SLC38A6: variants seen among roughly 807,000 people sequenced by gnomAD.
The protein encoded by SLC38A6 is solute carrier family 38 member 6.
Under a neutral mutation model 65.0 loss-of-function variants are expected in SLC38A6, and 73 were observed. The ratio of observed to expected loss-of-function variants is 1.12; its 90% CI spans 0.93 to 1.37. SLC38A6 has a LOEUF of 1.37. Ranked by LOEUF, SLC38A6 falls within the 40% of genes most tolerant of loss-of-function variation. The probability of loss-of-function intolerance (pLI) is 0.00; values close to 1 mark genes in which losing one functional copy is unlikely to be tolerated. For synonymous variants in SLC38A6, 183 were observed against 178.8 expected (o/e 1.02, Z -0.19); for missense variants, 561 against 531.1 (o/e 1.06, Z -0.55).
chr14:61,010,936 C>T (rs570139606), intron 3 of SLC38A6, among the ~76,000 whole-genome samples: 32 of 152,090 alleles, frequency 2.1e-4, no homozygotes, highest in African/African-American at 3.6e-4. Flanking sequence ...ATTGGTAGCT[C>T]GTTGGGGATG....
intron 15 of SLC38A6, among the ~76,000 whole-genome samples, chr14:61,062,067 G>T (rs1202059915): frequency 6.6e-6 from 1 of 152,146 alleles, no homozygotes; most frequent in African/African-American, 2.4e-5. Flanking sequence ...TTGTACTCCT[G>T]ACCTCAGGTG....
intron 15 of SLC38A6, among the ~76,000 whole-genome samples, chr14:61,061,590 C>A (rs1284413367): frequency 6.6e-6 from 1 of 152,152 alleles, no homozygotes; most frequent in African/African-American, 2.4e-5. Context: ...CATATAGTTG[C>A]AATCCTATAG....
intron 3 of SLC38A6, among the ~76,000 whole-genome samples, chr14:60,992,036 A>C (rs1233883603): frequency 6.6e-6 from 1 of 152,238 alleles, no homozygotes; most frequent in Non-Finnish European, 1.5e-5. Context: ...ACTAAAAGTC[A>C]GGGTTCTGTT....
chr14:61,038,881 A>G (rs574502368), intron 8 of SLC38A6, among the ~76,000 whole-genome samples: 1 of 152,314 alleles, frequency 6.6e-6, no homozygotes, highest in East Asian at 1.9e-4. Flanking sequence ...AGATAAGTGA[A>G]TTGAACATAC....
chr14:61,010,292 G>A lies in SLC38A6; in HGVS notation c.311-5612G>A, dbSNP rs2039459386. 2.6e-5 allele frequency among the ~76,000 whole-genome samples: 4 copies of A among 152,238 alleles called. No homozygotes were observed. In the South Asian group the frequency reaches 8.3e-4, roughly 32 times the overall value. On this transcript the variant is annotated intron_variant, in intron 3 of 15. Transcript: ENST00000267488. ...TCTGGATATTAGCCCTTTGTCAGAAGAGTAGGTTGCAAAAATTTTCTCCCA... is the reference window on the plus strand; with the variant it reads ...TCTGGATATTAGCCCTTTGTCAGAAAAGTAGGTTGCAAAAATTTTCTCCCA...
downstream of SLC38A6, among the ~76,000 whole-genome samples, chr14:61,055,944 C>T (rs1237613368): frequency 1.7e-4 from 3 of 17,500 alleles, no homozygotes; most frequent in Non-Finnish European, 6.0e-4. Flanking sequence ...TCATGTCCTT[C>T]GCCCACTTTT....
chr14:61,062,584 A>G (rs967447646), intron 15 of SLC38A6, among the ~76,000 whole-genome samples: 2 of 151,620 alleles, frequency 1.3e-5, no homozygotes, highest in Non-Finnish European at 2.9e-5. Flanking sequence ...GCCTCAGCAT[A>G]CTGAGTAGCT....
chr14:60,999,977 G>A (rs749930995), intron 3 of SLC38A6, among the ~76,000 whole-genome samples: 3 of 152,086 alleles, frequency 2.0e-5, no homozygotes, highest in African/African-American at 4.8e-5. Context: ...GCAGCCTTAG[G>A]AAACTAATAC....
In SLC38A6 at chr14:61,045,411, C is replaced by G. The variant is rs1013802480; in HGVS notation, c.810C>G (p.Tyr270Ter). ...FLCHTSILPI[Y>*]CELQSPSKKR... is the part of the protein sequence containing the mutation. ...GCCATACCTCAATATTGCCCATATA[C>G]TGTGAACTTCAAAGGTACTGTAGAA... The change falls in exon 11 of 16, where the codon TAC becomes TAG. Residue 270 changes from tyrosine (Y) to a stop codon, truncating the protein, a stop_gained. Coordinates refer to ENST00000267488, the MANE Select transcript of SLC38A6 (RefSeq NM_153811.3). LOFTEE classifies it high-confidence loss of function. The G allele has an allele frequency of 1.2e-6, 2 of 1,611,006 alleles. No homozygotes were observed. The highest frequency in any genetic ancestry group is 1.7e-6 in the Non-Finnish European group (2 of 1,177,442).
intron 10 of SLC38A6, among the ~76,000 whole-genome samples, chr14:61,044,579 TTTTG>T (rs1471443856): frequency 1.3e-5 from 2 of 152,196 alleles, no homozygotes; most frequent in Non-Finnish European, 2.9e-5. Flanking sequence ...CTGGAATTTC[TTTTG>T]TTTAAGAGCC....
At chr14:61,000,595 G>A (rs1256716234) in intron 3 of SLC38A6, among the ~76,000 whole-genome samples, 1 of 152,126 alleles carries the variant, frequency 6.6e-6, no homozygotes, top group Admixed American at 6.5e-5. Flanking sequence ...TGCCACCACT[G>A]CATTCCAGCC....
In SLC38A6 at chr14:61,052,068, T is replaced by C; in HGVS notation, c.1223T>C (p.Phe408Ser). The C allele has an allele frequency of 6.3e-7, 1 of 1,594,614 alleles. No individual in the cohort carries two copies. The highest frequency in any genetic ancestry group is 8.5e-7 in the Non-Finnish European group (1 of 1,175,332). The change falls in exon 15 of 16, where the codon TTT becomes TCT. Residue 408 changes from phenylalanine (F) to serine (S), a missense_variant. Phe to Ser is a radical substitution (Grantham distance 155, BLOSUM62 -2). Transcript: ENST00000267488. Reference protein sequence around the residue: ...VGASTSTCLIFIFPGLFYLKL... With the variant: ...VGASTSTCLISIFPGLFYLKL... ...GCCAGTACATCAACATGTTTGATTTTTATATTCCCAGGACTATTTTATCTT... is the reference window on the plus strand; with the variant it reads ...GCCAGTACATCAACATGTTTGATTTCTATATTCCCAGGACTATTTTATCTT...
chr14:61,002,195 T>C (rs2038757211), intron 3 of SLC38A6: 2 of 152,228 alleles, frequency 1.3e-5, no homozygotes. Flanking sequence ...AGCATTCTGT[T>C]TTCTGTGTTG....
intron 5 of SLC38A6, among the ~76,000 whole-genome samples, chr14:61,026,373 T>C (rs1317547869): frequency 1.3e-5 from 2 of 152,068 alleles, no homozygotes; most frequent in African/African-American, 4.8e-5. Flanking sequence ...GTAGATGCAA[T>C]AGAATCTCAT....
At chr14:61,062,128 GC>G (rs1244929789) in intron 15 of SLC38A6, among the ~76,000 whole-genome samples, 5 of 152,158 alleles carry the variant, frequency 3.3e-5, no homozygotes, top group African/African-American at 1.2e-4. Flanking sequence ...ACGATGCCCA[GC>G]CCCTGTGTAG....
chr14:61,053,718 C>T (rs2042611211), downstream of SLC38A6, among the ~76,000 whole-genome samples: 1 of 152,084 alleles, frequency 6.6e-6, no homozygotes, highest in African/African-American at 2.4e-5. Context: ...ATGTCCTTTG[C>T]CCACTTTTTA....
At chr14:61,005,741 A>G (rs1566635492) in intron 3 of SLC38A6, among the ~76,000 whole-genome samples, 1 of 152,218 alleles carries the variant, frequency 6.6e-6, no homozygotes, top group Non-Finnish European at 1.5e-5. Context: ...CAATATCATG[A>G]AAATCGCCAT....
At chr14:60,998,489 C>G (rs926597152) in intron 3 of SLC38A6, among the ~76,000 whole-genome samples, 3 of 152,158 alleles carry the variant, frequency 2.0e-5, no homozygotes, top group Non-Finnish European at 4.4e-5. Flanking sequence ...CACTCCATCC[C>G]CTTTCCAGCT....
chr14:61,039,127 TTGATA>T (rs894089037), intron 8 of SLC38A6, among the ~76,000 whole-genome samples: 52 of 152,296 alleles, frequency 3.4e-4, no homozygotes, highest in African/African-American at 1.1e-3. Context: ...GTTAAATGTA[TTGATA>T]TGATATGTCT....
Sources: gnomAD v4.1 joint callset for allele counts (sites outside exome capture counted in the v4.1 genomes callset) on GRCh38, gnomAD v4.1.1 for gene constraint, MANE v1.5 for transcripts, NCBI Gene and HGNC (gene_info 2026-07-23, HGNC 2026-07-21) for gene names.